MAP3K19: variants seen among roughly 807,000 people sequenced by gnomAD.
MAP3K19 encodes the protein mitogen-activated protein kinase kinase kinase 19.
MAP3K19 carries 91 observed loss-of-function variants against 114.4 expected under a neutral mutation model. The ratio of observed to expected loss-of-function variants is 0.80; its 90% CI spans 0.67 to 0.95. The LOEUF is 0.95. Ranked by LOEUF, MAP3K19 falls within the 40% of genes least tolerant of loss-of-function variation. The pLI is 0.00. For synonymous variants in MAP3K19, 518 were observed against 530.5 expected (o/e 0.98, Z 0.32); for missense variants, 1,471 against 1,573.2 (o/e 0.94, Z 1.10).
chr2:135,011,515 C>A (rs1006389435), intron 5 of MAP3K19, among the ~76,000 whole-genome samples: 4 of 128,666 alleles, frequency 3.1e-5, no homozygotes, highest in Non-Finnish European at 6.2e-5. Context: ...CCAGCCTGGG[C>A]GACAGAGCGA....
At position 134,980,918 on chromosome 2, in the gene MAP3K19, C is replaced by A; in HGVS notation, c.3823G>T (p.Ala1275Ser). 3.1e-6 allele frequency: 5 copies of A among 1,614,198 alleles called. No homozygotes were observed. The highest frequency in any genetic ancestry group is 4.2e-6 in the Non-Finnish European group (5 of 1,180,044). ...CGGTGTGCTCCGATGTAAAACATGG[C>A]GGCCATCCTGTCCATGGAAGCCAGT... ...PPLASMDRMAAMFYIGAHRGL... is the reference protein window; with the variant it reads ...PPLASMDRMASMFYIGAHRGL... Residue 1275 changes from alanine to serine, a missense_variant, in exon 12 of 13, where the codon GCC becomes TCC. Transcript: ENST00000392915.
chr2:135,034,635 G>A (rs975543619), intron 2 of MAP3K19, among the ~76,000 whole-genome samples: 2 of 133,818 alleles, frequency 1.5e-5, no homozygotes, highest in Admixed American at 7.7e-5. Context: ...GCGAAACCCC[G>A]TCTCCACCAA....
Position 135,024,651 on chromosome 2 carries a change from A to G in MAP3K19, c.-4T>C, listed in dbSNP as rs377506960. The stretch of plus-strand genomic sequence containing the variant: ...CTGGTTTTGGCATAGAACTCATTAA[A>G]ATGTCCAAAAGCTGCTGTTTCTTTG... On this transcript the variant is annotated 5_prime_UTR_variant, in exon 4 of 13. Transcript: ENST00000392915. The G allele has an allele frequency of 3.0e-5, 48 of 1,613,414 alleles. No homozygotes were observed. Among genetic ancestry groups the G allele is most frequent in the Non-Finnish European group, 4.0e-5 (47 of 1,179,576 alleles).
chr2:134,999,954 T>C lies in MAP3K19; in HGVS notation c.297A>G (p.Glu99=). ...DVSPPQEMSQ[E]DLKEKNLINS... ...TTCCTTACTTCTTTTCTTTTAAGTC[T>C]TCTTGGCTCATTTCTTGGGGAGGAC... Residue 99 remains glutamate (E), a synonymous_variant, in exon 7 of 13, where the codon GAA becomes GAG. Coordinates refer to ENST00000392915, the MANE Select transcript of MAP3K19 (RefSeq NM_025052.5). This position sits in a 1 kb window ranked among gnomAD's most constrained non-coding sequence, Gnocchi z 4.1. The C allele has an allele frequency of 6.2e-7, 1 of 1,609,854 alleles. No homozygotes were observed. The highest frequency in any genetic ancestry group is 2.2e-5 in the East Asian group (1 of 44,834).
At chr2:134,969,567 G>C (rs1683717990) in intron 12 of MAP3K19, among the ~76,000 whole-genome samples, 1 of 152,026 alleles carries the variant, frequency 6.6e-6, no homozygotes, top group Non-Finnish European at 1.5e-5. Flanking sequence ...GTTTCTTGTT[G>C]GATGAACATT....
At chr2:135,025,067 T>G (rs544818640) in intron 3 of MAP3K19, among the ~76,000 whole-genome samples, 1 of 151,396 alleles carries the variant, frequency 6.6e-6, no homozygotes, top group East Asian at 1.9e-4. Flanking sequence ...TCTTTTGTTG[T>G]TTTTTTTTAT....
Position 135,032,372 on chromosome 2 carries a change from A to G in MAP3K19, c.-283-1872T>C, listed in dbSNP as rs201333179. Among the ~76,000 whole-genome samples the G allele has an allele frequency of 1.7e-4, 24 of 145,374 alleles. 1 individual carries two copies. Among genetic ancestry groups the G allele is most frequent in the Middle Eastern group, 3.5e-3 (1 of 282 alleles). On this transcript the variant is annotated intron_variant, in intron 2 of 12. Coordinates refer to ENST00000392915, the MANE Select transcript of MAP3K19 (RefSeq NM_025052.5). ...ACTCTGTCTGAAAAAAAAAAAAAAA[A>G]AGAAAAGAAAAGAAAAACAGTCTGT...
At chr2:134,995,054 G>A (rs1407187358) in intron 8 of MAP3K19, among the ~76,000 whole-genome samples, 1 of 152,166 alleles carries the variant, frequency 6.6e-6, no homozygotes, top group Non-Finnish European at 1.5e-5. Context: ...GCTCAAGCCT[G>A]TAATCCCAAC....
At chr2:135,028,578 A>T (rs867472828) in intron 3 of MAP3K19, among the ~76,000 whole-genome samples, 16 of 151,828 alleles carry the variant, frequency 1.1e-4, no homozygotes, top group Middle Eastern at 3.4e-3. Context: ...AAAAAAATTT[A>T]AAAAAAACAA....
At chr2:135,039,614 C>T (rs1335150275) in intron 2 of MAP3K19, among the ~76,000 whole-genome samples, 2 of 152,002 alleles carry the variant, frequency 1.3e-5, no homozygotes, top group African/African-American at 2.4e-5. Context: ...AAAACAAAGT[C>T]CCAAGAACTT....
At chr2:135,018,263 C>A (rs1403963200) in intron 5 of MAP3K19, among the ~76,000 whole-genome samples, 1 of 128,458 alleles carries the variant, frequency 7.8e-6, no homozygotes, top group Non-Finnish European at 1.5e-5. Context: ...TCCACTCCAG[C>A]AGCCTTGGCA....
At chr2:135,007,528 CT>C (rs1040502006) in intron 5 of MAP3K19, among the ~76,000 whole-genome samples, 2 of 151,024 alleles carry the variant, frequency 1.3e-5, no homozygotes, top group African/African-American at 4.9e-5. Context: ...CTTTCTTTTC[CT>C]TTTTTTTTCT....
At chr2:135,027,384 AAAAGAAAGAAAGAAAAG>A (rs1558742324) in intron 3 of MAP3K19, among the ~76,000 whole-genome samples, 1 of 134,802 alleles carries the variant, frequency 7.4e-6, no homozygotes, top group African/African-American at 3.4e-5. Flanking sequence ...AAAGAAAGAA[AAAAGAAAGAAAGAAAAG>A]AAAGAAAGAA....
At chr2:135,033,455 G>A (rs1436480843) in intron 2 of MAP3K19, among the ~76,000 whole-genome samples, 1 of 116,170 alleles carries the variant, frequency 8.6e-6, no homozygotes, top group African/African-American at 4.3e-5. Context: ...TCGGGCAGAG[G>A]CGCCCCCCAC....
intron 4 of MAP3K19, 99 bp downstream of exon 4, chr2:135,024,527 T>C: frequency 8.9e-7 from 1 of 1,124,602 alleles, no homozygotes; most frequent in South Asian, 1.3e-5. Flanking sequence ...GTGGACTTGA[T>C]TTCTTTAAAT....
At chr2:134,968,412 C>A (rs1174075117) in intron 12 of MAP3K19, among the ~76,000 whole-genome samples, 1 of 149,334 alleles carries the variant, frequency 6.7e-6, no homozygotes, top group Admixed American at 6.6e-5. Context: ...GGCAGAGGGG[C>A]TCCTCACATC....
At chr2:135,002,228 A>G (rs1031447034) in intron 6 of MAP3K19, among the ~76,000 whole-genome samples, 5 of 152,226 alleles carry the variant, frequency 3.3e-5, no homozygotes, top group African/African-American at 9.6e-5. Flanking sequence ...CATAGCCACG[A>G]ATATATTTTC....
intron 8 of MAP3K19, among the ~76,000 whole-genome samples, chr2:134,995,070 G>A (rs932915480): frequency 1.3e-5 from 2 of 152,148 alleles, no homozygotes; most frequent in Admixed American, 1.3e-4. Flanking sequence ...CCAACACTTT[G>A]GGAAGCTGAG....
At position 134,986,727 on chromosome 2, in the gene MAP3K19, T is replaced by C; in HGVS notation, c.2145A>G (p.Arg715=). 1 of 1,614,170 alleles carries C rather than the reference T, an allele frequency of 6.2e-7. No homozygotes were observed. The highest frequency in any genetic ancestry group is 1.6e-4 in the Middle Eastern group (1 of 6,062). ...HSERKSNIRT[R]LSQKKTHMKC... Reference sequence around the variant, plus strand: ...TCATATGTGTTTTTTTCTGAGAAAGTCTTGTTCTGATATTGCTCTTCCTCT... The same window carrying C: ...TCATATGTGTTTTTTTCTGAGAAAGCCTTGTTCTGATATTGCTCTTCCTCT... Residue 715 remains arginine (R), a synonymous_variant, in exon 10 of 13, where the codon AGA becomes AGG. Transcript: ENST00000392915.
Sources: allele counts gnomAD v4.1 joint callset (sites outside exome capture counted in the v4.1 genomes callset), GRCh38; gene constraint gnomAD v4.1.1; non-coding constraint Gnocchi (gnomAD v3.1); transcripts MANE v1.5; gene names NCBI Gene and HGNC (gene_info 2026-07-23, HGNC 2026-07-21).